Variants in DAPP1 observed in about 807,000 individuals in gnomAD.
The protein encoded by DAPP1 is dual adapter for phosphotyrosine and 3-phosphotyrosine and 3-phosphoinositide.
Under a neutral mutation model 41.5 loss-of-function variants are expected in DAPP1, and 20 were observed. The observed-to-expected ratio is 0.48, with a 90% CI of 0.34 to 0.70. DAPP1 has a LOEUF of 0.70. Ranked by LOEUF, DAPP1 falls within the 30% of genes least tolerant of loss-of-function variation. The pLI is 0.01. For synonymous variants in DAPP1, 113 were observed against 116.2 expected (o/e 0.97, Z 0.18); for missense variants, 233 against 333.4 (o/e 0.70, Z 2.35).
At chr4:99,834,932 T>C (rs1210204351) in intron 1 of DAPP1, among the ~76,000 whole-genome samples, 2 of 152,138 alleles carry the variant, frequency 1.3e-5, no homozygotes, top group African/African-American at 4.8e-5. Flanking sequence ...GTTCTCCCTG[T>C]AGGCAAATCT....
chr4:99,851,627 G>A (rs867966586), intron 3 of DAPP1, among the ~76,000 whole-genome samples: 4 of 127,522 alleles, frequency 3.1e-5, no homozygotes, highest in South Asian at 2.8e-4. Flanking sequence ...CGCAACCCCC[G>A]CCTCCCGGGT....
At chr4:99,835,068 G>T (rs1012998491) in intron 1 of DAPP1, among the ~76,000 whole-genome samples, 6 of 151,414 alleles carry the variant, frequency 4.0e-5, no homozygotes, top group Admixed American at 2.0e-4. Flanking sequence ...GAGTGCAATG[G>T]CATGATCTTG....
chr4:99,868,269 A>G lies in DAPP1; in HGVS notation c.*84A>G, dbSNP rs1724533382. The G allele has an allele frequency of 2.0e-5, 24 of 1,215,830 alleles. No homozygotes were observed. In the East Asian group the frequency reaches 5.4e-4, roughly 28 times the overall value. The allele number at this position is 1,215,830 out of a possible 1,614,324, so 75.3% of individuals were successfully genotyped here. On this transcript the variant is annotated 3_prime_UTR_variant, in exon 9 of 9. Transcript: ENST00000512369. ...TGTGATCTGCAGCAGGCTTCAAATG[A>G]AAACCGACTAAGGATTTTCTTTCAA...
At chr4:99,855,715 AGAGTTCTG>A (rs1724023247) in intron 4 of DAPP1, among the ~76,000 whole-genome samples, 1 of 152,242 alleles carries the variant, frequency 6.6e-6, no homozygotes. Context: ...TGCTGGGGAA[AGAGTTCTG>A]GTCTGATCAG....
chr4:99,830,616 T>G (rs970393144), intron 1 of DAPP1, among the ~76,000 whole-genome samples: 2 of 152,304 alleles, frequency 1.3e-5, no homozygotes, highest in Admixed American at 6.5e-5. Context: ...CTCACATGAC[T>G]ACATGATATT....
intron 5 of DAPP1, 77 bp from the exon 6 acceptor site, chr4:99,862,933 A>T: frequency 9.6e-7 from 1 of 1,041,470 alleles, no homozygotes; most frequent in Non-Finnish European, 1.4e-6. Context: ...AAAGTAAATC[A>T]TCTGGTTCAA....
chr4:99,852,691 A>G (rs1723905645), intron 3 of DAPP1, among the ~76,000 whole-genome samples: 1 of 152,120 alleles, frequency 6.6e-6, no homozygotes, highest in Admixed American at 6.5e-5. Flanking sequence ...TTTGAAATCC[A>G]CTAATTTGTT....
intron 3 of DAPP1, among the ~76,000 whole-genome samples, chr4:99,847,325 T>C (rs955094672): frequency 6.6e-6 from 1 of 152,200 alleles, no homozygotes; most frequent in African/African-American, 2.4e-5. Context: ...GTTCTTACTC[T>C]CTTTCTGAGT....
intron 3 of DAPP1, among the ~76,000 whole-genome samples, chr4:99,842,190 G>A (rs565697919): frequency 5.9e-5 from 9 of 152,328 alleles, no homozygotes; most frequent in African/African-American, 2.2e-4. Flanking sequence ...ACACTGTTCT[G>A]AGTAAAGAAG....
At chr4:99,861,453 A>G (rs1261787496) in intron 4 of DAPP1, 125 bp from the exon 5 acceptor site, 2 of 1,055,410 alleles carry the variant, frequency 1.9e-6, no homozygotes, top group African/African-American at 3.2e-5. Context: ...GCCTAGGTGA[A>G]AAATGATAGA....
intron 4 of DAPP1, among the ~76,000 whole-genome samples, chr4:99,860,453 A>G (rs546791878): frequency 1.3e-5 from 2 of 152,346 alleles, no homozygotes; most frequent in South Asian, 2.1e-4. Context: ...AGTCAATTCA[A>G]TTTATTTAAT....
At position 99,835,710 on chromosome 4, in the gene DAPP1, C is replaced by A. The variant is rs371733623; in HGVS notation, c.189C>A (p.Ser63Arg). 4.3e-6 allele frequency: 7 copies of A among 1,613,602 alleles called. No individual in the cohort carries two copies. The highest frequency in any genetic ancestry group is 2.7e-5 in the African/African-American group (2 of 74,866). ...ACGGCAGCTACCTTCTGAGGGACAG[C>A]AATGAGACCACCGGGCTGTACTCTC... ...GCDGSYLLRD[S>R]NETTGLYSLS... Residue 63 changes from serine (S) to arginine (R), a missense_variant, in exon 2 of 9, where the codon AGC becomes AGA. By Grantham distance (110) the Ser-to-Arg change is moderately radical. Transcript: ENST00000512369.
intron 2 of DAPP1, among the ~76,000 whole-genome samples, chr4:99,838,247 G>T (rs944024780): frequency 2.0e-5 from 3 of 151,856 alleles, no homozygotes; most frequent in Admixed American, 6.6e-5. Flanking sequence ...AAAAAATAAA[G>T]AATAAATTAT....
At chr4:99,865,937 A>AT (rs1560711074) in intron 7 of DAPP1, 97 bp from the exon 8 acceptor site, 4 of 78,820 alleles carry the variant, frequency 5.1e-5, no homozygotes, top group African/African-American at 2.5e-4. Flanking sequence ...TATATATAAT[A>AT]TATTATATTA....
chr4:99,860,970 T>C (rs987834630), intron 4 of DAPP1, among the ~76,000 whole-genome samples: 1 of 152,234 alleles, frequency 6.6e-6, no homozygotes, highest in Non-Finnish European at 1.5e-5. Flanking sequence ...AAGAACTGGC[T>C]CATTCTTATT....
intron 7 of DAPP1, 79 bp downstream of exon 7, chr4:99,863,934 A>C: frequency 1.1e-6 from 1 of 944,734 alleles, no homozygotes; most frequent in Non-Finnish European, 1.6e-6. Flanking sequence ...AGAAAGCTGT[A>C]TATCTTAATG....
At chr4:99,840,136 T>A (rs1723446981) in intron 2 of DAPP1, among the ~76,000 whole-genome samples, 153 bp from the exon 3 acceptor site, 1 of 152,216 alleles carries the variant, frequency 6.6e-6, no homozygotes, top group African/African-American at 2.4e-5. Flanking sequence ...AAGAAACTAG[T>A]GATGCTATTT....
chr4:99,827,682 C>T (rs543742241), intron 1 of DAPP1, among the ~76,000 whole-genome samples: 2 of 152,176 alleles, frequency 1.3e-5, no homozygotes, highest in Non-Finnish European at 2.9e-5. Context: ...AATGCATTCT[C>T]GGGCTGCCTT....
At position 99,853,483 on chromosome 4, in the gene DAPP1, T is replaced by A. The variant is rs1723940637; in HGVS notation, c.489+135T>A. ...ATAAAACTTGGAAAGGAATGTGAGA[T>A]TTGAAGCCTATGACTCAGTTCATCT... On this transcript the variant is annotated intron_variant, in intron 4 of 8. Coordinates refer to ENST00000512369, the MANE Select transcript of DAPP1 (RefSeq NM_014395.3). 2.4e-6 allele frequency: 3 copies of A among 1,241,714 alleles called. No individual in the cohort carries two copies. The African/African-American group carries it at 4.6e-5, about 19-fold the overall frequency. 76.9% of individuals were successfully genotyped at this position (1,241,714 alleles called of 1,614,324 possible). A position where few individuals can be genotyped will look rare whatever the true frequency, so the allele number is the denominator to read the frequency against.
Sources: gnomAD v4.1 joint callset for allele counts (sites outside exome capture counted in the v4.1 genomes callset) on GRCh38, gnomAD v4.1.1 for gene constraint, MANE v1.5 for transcripts, NCBI Gene and HGNC (gene_info 2026-07-23, HGNC 2026-07-21) for gene names.